The following SLCO1A2 variants were observed in gnomAD, a reference collection of about 807,000 sequenced individuals.
SLCO1A2 encodes solute carrier organic anion transporter family member 1A2.
A neutral mutation model predicts 69.0 loss-of-function variants in SLCO1A2; 67 were observed. That is an observed-to-expected ratio of 0.97 (90% confidence interval 0.80 to 1.19). SLCO1A2 has a LOEUF of 1.19. SLCO1A2 is among the 50% of genes most tolerant of loss of function. The pLI is 0.00. For synonymous variants in SLCO1A2, 260 were observed against 265.9 expected (o/e 0.98, Z 0.22); for missense variants, 787 against 793.7 (o/e 0.99, Z 0.10).
intron 2 of SLCO1A2, among the ~76,000 whole-genome samples, chr12:21,320,138 C>T (rs11045967): frequency 0.056 from 8,564 of 152,170 alleles, 605 homozygotes; most frequent in East Asian, 0.35. Flanking sequence ...CTAGCACACT[C>T]AAATTCTTAA....
chr12:21,282,179 CCTCAACAAAATA>C (rs1372972878), intron 12 of SLCO1A2, among the ~76,000 whole-genome samples: 6 of 149,402 alleles, frequency 4.0e-5, no homozygotes, highest in Admixed American at 3.3e-4. Flanking sequence ...ATGCAAAAAT[CCTCAACAAAATA>C]CTATTAAACC....
intron 1 of SLCO1A2, among the ~76,000 whole-genome samples, chr12:21,408,598 T>C (rs767496666): frequency 6.6e-6 from 1 of 152,146 alleles, no homozygotes; most frequent in Non-Finnish European, 1.5e-5. Flanking sequence ...TCTCTGTTGA[T>C]GAAACTCAGT....
intron 14 of SLCO1A2, 26 bp downstream of exon 14, chr12:21,274,443 A>C: frequency 6.7e-7 from 1 of 1,491,618 alleles, no homozygotes; most frequent in African/African-American, 1.4e-5. Flanking sequence ...CTTATAAAAC[A>C]ATTTTAAACA....
At chr12:21,279,814 G>C (rs1944477438) in intron 12 of SLCO1A2, among the ~76,000 whole-genome samples, 1 of 152,100 alleles carries the variant, frequency 6.6e-6, no homozygotes, top group Non-Finnish European at 1.5e-5. Context: ...TTATAACACT[G>C]TAACTGTGAT....
At chr12:21,277,206 G>C (rs1944018060) in intron 12 of SLCO1A2, among the ~76,000 whole-genome samples, 1 of 151,738 alleles carries the variant, frequency 6.6e-6, no homozygotes, top group African/African-American at 2.4e-5. Flanking sequence ...TACCAGCTCA[G>C]CCACAGTAGG....
At chr12:21,367,985 A>G (rs1334114772) in intron 2 of SLCO1A2, among the ~76,000 whole-genome samples, 1 of 152,164 alleles carries the variant, frequency 6.6e-6, no homozygotes, top group African/African-American at 2.4e-5. Flanking sequence ...TGACAGAATT[A>G]GACTAGCACT....
chr12:21,293,926 G>T lies in SLCO1A2; in HGVS notation c.1437+19C>A, dbSNP rs918332314. ...TACCAATGCAACTCAAAAAAGTTCTGTCAAATAGGATGTCTTACCATGTTT... is the reference window on the plus strand; with the variant it reads ...TACCAATGCAACTCAAAAAAGTTCTTTCAAATAGGATGTCTTACCATGTTT... On this transcript the variant is annotated intron_variant, in intron 11 of 14. Transcript: ENST00000683939. 1.1e-5 allele frequency: 17 copies of T among 1,590,666 alleles called. No homozygotes were observed. The highest frequency in any genetic ancestry group is 1.4e-5 in the Non-Finnish European group (16 of 1,170,614).
intron 2 of SLCO1A2, among the ~76,000 whole-genome samples, chr12:21,353,635 T>C (rs942506243): frequency 3.3e-5 from 5 of 152,196 alleles, no homozygotes; most frequent in Admixed American, 6.5e-5. Context: ...ACTTGGTTTT[T>C]TTCCCAGAAG....
intron 1 of SLCO1A2, chr12:21,380,116 C>T (rs1401899776): frequency 6.6e-6 from 1 of 151,998 alleles, no homozygotes; most frequent in African/African-American, 2.4e-5. Context: ...AGTTTTATTG[C>T]ATATCACACC....
At chr12:21,374,819 G>GTCTC (rs71043266) in intron 1 of SLCO1A2, among the ~76,000 whole-genome samples, 47 of 148,270 alleles carry the variant, frequency 3.2e-4, no homozygotes, top group African/African-American at 5.7e-4. Flanking sequence ...TTGAGACAGG[G>GTCTC]TCTCTCTCTC....
At chr12:21,346,534 CAT>C (rs984513832) in intron 2 of SLCO1A2, among the ~76,000 whole-genome samples, 8 of 150,526 alleles carry the variant, frequency 5.3e-5, no homozygotes, top group East Asian at 1.9e-4. Context: ...AAAAAAAAAA[CAT>C]ATGTGGAACA....
chr12:21,364,720 T>G (rs540597032), intron 2 of SLCO1A2, among the ~76,000 whole-genome samples: 5 of 152,182 alleles, frequency 3.3e-5, no homozygotes, highest in Non-Finnish European at 7.3e-5. Flanking sequence ...AAACTCAGTG[T>G]GCAAAATTCA....
chr12:21,334,461 T>C (rs961865992), intron 2 of SLCO1A2, 127 bp downstream of exon 2: 1 of 645,758 alleles, frequency 1.5e-6, no homozygotes, highest in African/African-American at 1.9e-5. Context: ...CAAGAAATTA[T>C]CAATAGAACA....
intron 2 of SLCO1A2, chr12:21,373,068 ATTCATGGT>A: frequency 2.2e-5 from 9 of 405,990 alleles, no homozygotes; most frequent in Non-Finnish European, 3.5e-5. Context: ...TTGGTGTTAA[ATTCATGGT>A]TTATTTCAAA....
intron 2 of SLCO1A2, among the ~76,000 whole-genome samples, chr12:21,344,346 G>A (rs1210730984): frequency 1.3e-5 from 2 of 151,944 alleles, no homozygotes; most frequent in Non-Finnish European, 2.9e-5. Flanking sequence ...CGGCTTCATG[G>A]AGGCCTAAGT....
At chr12:21,350,835 CAAAAAAAAAAAAAAAAA>C (rs11454466) in intron 2 of SLCO1A2, among the ~76,000 whole-genome samples, 6 of 40,732 alleles carry the variant, frequency 1.5e-4, no homozygotes, top group Admixed American at 4.3e-4. Context: ...GACTCTGTCT[CAAAAAAAAAAAAAAAAA>C]AAAAAAAAAA....
At chr12:21,386,786 A>AT (rs1940904878) in intron 1 of SLCO1A2, among the ~76,000 whole-genome samples, 3 of 152,024 alleles carry the variant, frequency 2.0e-5, no homozygotes, top group Non-Finnish European at 4.4e-5. Context: ...GCAACTTTGG[A>AT]ACTGGGTAAC....
chr12:21,388,750 C>T (rs1356518858), intron 1 of SLCO1A2, among the ~76,000 whole-genome samples: 2 of 151,982 alleles, frequency 1.3e-5, no homozygotes, highest in African/African-American at 4.8e-5. Flanking sequence ...AAATATTATG[C>T]CACTTCACTA....
intron 2 of SLCO1A2, among the ~76,000 whole-genome samples, chr12:21,372,198 T>A (rs1225505800): frequency 6.6e-6 from 1 of 152,222 alleles, no homozygotes; most frequent in Non-Finnish European, 1.5e-5. Context: ...AATTTCTGTG[T>A]AAGAATGAAT....
Sources: gnomAD v4.1 joint callset for allele counts (sites outside exome capture counted in the v4.1 genomes callset) on GRCh38, gnomAD v4.1.1 for gene constraint, MANE v1.5 for transcripts, NCBI Gene and HGNC (gene_info 2026-07-23, HGNC 2026-07-21) for gene names.